The following CUL3 variants were observed in gnomAD, a reference collection of about 807,000 sequenced individuals.
CUL3 encodes the protein cullin-3.
Under a neutral mutation model 89.1 loss-of-function variants are expected in CUL3, and 19 were observed. The ratio of observed to expected loss-of-function variants is 0.21; its 90% CI spans 0.15 to 0.31. CUL3 has a LOEUF of 0.31. Ranked by LOEUF, CUL3 falls within the 10% of genes least tolerant of loss-of-function variation. CUL3 has a pLI of 1.00. For missense variants in CUL3, 469 were observed against 942.3 expected (o/e 0.50, Z 6.58); for synonymous variants, 351 against 308.4 (o/e 1.14, Z -1.45).
At chr2:224,582,055 T>C (rs551041418) in intron 1 of CUL3, among the ~76,000 whole-genome samples, 14 of 152,034 alleles carry the variant, frequency 9.2e-5, no homozygotes, top group Non-Finnish European at 1.8e-4. Flanking sequence ...ACCTCGGCCT[T>C]ACAGGTTCAA....
At chr2:224,499,200 C>G (rs554333099) in intron 11 of CUL3, among the ~76,000 whole-genome samples, 1 of 152,302 alleles carries the variant, frequency 6.6e-6, no homozygotes, top group East Asian at 1.9e-4. Flanking sequence ...ATTCAAACAA[C>G]TTTCAAATAC....
At chr2:224,475,848 A>G (rs1356619261) in intron 15 of CUL3, among the ~76,000 whole-genome samples, 1 of 152,082 alleles carries the variant, frequency 6.6e-6, no homozygotes, top group African/African-American at 2.4e-5. Flanking sequence ...CCTATATTCT[A>G]TATGTACTAC....
At chr2:224,505,916 A>T (rs746025224) in intron 8 of CUL3, 40 bp downstream of exon 8, 1 of 1,285,316 alleles carries the variant, frequency 7.8e-7, no homozygotes, top group Non-Finnish European at 1.1e-6. Flanking sequence ...TATATCTTTA[A>T]ATAAAATTAA....
chr2:224,473,999 G>T lies in CUL3; in HGVS notation c.*246C>A. The T allele has an allele frequency of 3.1e-6, 1 of 322,890 alleles. No individual in the cohort carries two copies. Among genetic ancestry groups the T allele is most frequent in the Non-Finnish European group, 5.6e-6 (1 of 177,176 alleles). 20.0% of individuals were successfully genotyped at this position (322,890 alleles called of 1,614,324 possible). A position where few individuals can be genotyped will look rare whatever the true frequency, so the allele number is the denominator to read the frequency against. On this transcript the variant is annotated 3_prime_UTR_variant, in exon 16 of 16. Transcript: ENST00000264414. ...CATACAGTAAAGAAAACAAAACGCA[G>T]CACATTCACATTTTCCCGAGGAACT... is the stretch of plus-strand genomic sequence containing the variant.
At chr2:224,563,204 C>A (rs747469193) in intron 1 of CUL3, 8 of 470,292 alleles carry the variant, frequency 1.7e-5, no homozygotes, top group South Asian at 9.3e-5. Flanking sequence ...CTCAGTATAA[C>A]GTAGCTTTCT....
intron 3 of CUL3, among the ~76,000 whole-genome samples, chr2:224,515,300 A>G (rs1306202501): frequency 6.6e-6 from 1 of 152,250 alleles, no homozygotes; most frequent in East Asian, 1.9e-4. Flanking sequence ...CTTCAAACAG[A>G]TTATTACTTT....
intron 3 of CUL3, among the ~76,000 whole-genome samples, chr2:224,533,467 A>G (rs1266215249): frequency 6.6e-6 from 1 of 152,168 alleles, no homozygotes; most frequent in Non-Finnish European, 1.5e-5. Context: ...AAAAAAAAAG[A>G]AAAAAGAAAG....
At chr2:224,541,103 T>C (rs1694086359) in intron 2 of CUL3, among the ~76,000 whole-genome samples, 1 of 149,940 alleles carries the variant, frequency 6.7e-6, no homozygotes, top group African/African-American at 2.4e-5. Flanking sequence ...AAAGAAAAAA[T>C]GCTAAACTGG....
At chr2:224,516,327 T>C (rs1208728276) in intron 3 of CUL3, among the ~76,000 whole-genome samples, 2 of 151,214 alleles carry the variant, frequency 1.3e-5, no homozygotes, top group Non-Finnish European at 3.0e-5. Flanking sequence ...GCTTTTTTTT[T>C]TTTTTTTTGA....
At chr2:224,496,145 C>T (rs1692162786) in intron 12 of CUL3, among the ~76,000 whole-genome samples, 179 bp from the exon 13 acceptor site, 1 of 152,288 alleles carries the variant, frequency 6.6e-6, no homozygotes, top group Admixed American at 6.5e-5. Flanking sequence ...ATCCTCCTAC[C>T]TTAGCCTCCC....
At chr2:224,500,520 A>T (rs776408646) in intron 10 of CUL3, 33 bp from the exon 11 acceptor site, 2 of 1,607,306 alleles carry the variant, frequency 1.2e-6, no homozygotes, top group Non-Finnish European at 1.7e-6. Context: ...TTCCCCTCAA[A>T]ATTAACTAGG....
chr2:224,513,786 A>C (rs1692931114), intron 4 of CUL3, 148 bp from the exon 5 acceptor site: 1 of 518,424 alleles, frequency 1.9e-6, no homozygotes. Flanking sequence ...ATGTAAAACG[A>C]AAGGATTTAG....
At chr2:224,545,343 CAGTA>C (rs995075900) in intron 2 of CUL3, among the ~76,000 whole-genome samples, 1 of 152,096 alleles carries the variant, frequency 6.6e-6, no homozygotes, top group Admixed American at 6.5e-5. Context: ...CTTAAAAAAA[CAGTA>C]AGATAGCCAC....
intron 15 of CUL3, among the ~76,000 whole-genome samples, chr2:224,476,658 G>A (rs1691334232): frequency 6.6e-6 from 1 of 152,178 alleles, no homozygotes; most frequent in Admixed American, 6.5e-5. Context: ...TTCTCAGGAA[G>A]AGGCATGTTC....
intron 13 of CUL3, among the ~76,000 whole-genome samples, chr2:224,492,165 G>A (rs934448181): frequency 1.3e-5 from 2 of 152,076 alleles, no homozygotes; most frequent in African/African-American, 4.8e-5. Flanking sequence ...TGTCTATTTT[G>A]CCTTCTGAGT....
chr2:224,546,683 C>T (rs564588636), intron 2 of CUL3, among the ~76,000 whole-genome samples: 1 of 151,440 alleles, frequency 6.6e-6, no homozygotes, highest in East Asian at 1.9e-4. Context: ...GGGGTACTTG[C>T]CCTCAAAGTA....
At chr2:224,497,233 C>A (rs1035367564) in intron 12 of CUL3, among the ~76,000 whole-genome samples, 1 of 152,058 alleles carries the variant, frequency 6.6e-6, no homozygotes, top group African/African-American at 2.4e-5. Flanking sequence ...TAAATTATTA[C>A]TCTAAACCTC....
intron 13 of CUL3, among the ~76,000 whole-genome samples, chr2:224,490,127 T>C (rs1691900548): frequency 6.6e-6 from 1 of 152,194 alleles, no homozygotes; most frequent in South Asian, 2.1e-4. Context: ...ATTACGGAAA[T>C]GCAAATCAAA....
At chr2:224,568,314 T>C (rs1451607089) in intron 1 of CUL3, among the ~76,000 whole-genome samples, 1 of 152,226 alleles carries the variant, frequency 6.6e-6, no homozygotes, top group Admixed American at 6.5e-5. Context: ...TAGTGACAGT[T>C]TGTAACCATC....
Sources: gnomAD v4.1 joint callset for allele counts (sites outside exome capture counted in the v4.1 genomes callset) on GRCh38, gnomAD v4.1.1 for gene constraint, MANE v1.5 for transcripts, NCBI Gene and HGNC (gene_info 2026-07-23, HGNC 2026-07-21) for gene names.